The following DNAH3 variants were observed in gnomAD, a reference collection of about 807,000 sequenced individuals.
The protein encoded by DNAH3 is dynein axonemal heavy chain 3.
Under a neutral mutation model 432.5 loss-of-function variants are expected in DNAH3, and 332 were observed. The observed-to-expected ratio is 0.77, with a 90% CI of 0.70 to 0.84. The LOEUF is 0.84. Ranked by LOEUF, DNAH3 falls within the 40% of genes least tolerant of loss-of-function variation. The pLI is 0.00. For synonymous variants in DNAH3, 1,956 were observed against 1,900.2 expected (o/e 1.03, Z -0.76); for missense variants, 4,861 against 5,114.0 (o/e 0.95, Z 1.51).
chr16:20,939,127 GA>G (rs2083707818), intron 59 of DNAH3, among the ~76,000 whole-genome samples: 2 of 152,102 alleles, frequency 1.3e-5, no homozygotes, highest in Non-Finnish European at 2.9e-5. Flanking sequence ...CAACCACCAA[GA>G]AAGAGCTCCA....
chr16:21,061,542 C>T (rs554378706), intron 25 of DNAH3, among the ~76,000 whole-genome samples: 1 of 152,292 alleles, frequency 6.6e-6, no homozygotes, highest in South Asian at 2.1e-4. Flanking sequence ...ATACGCATTA[C>T]TTTCATGTCA....
intron 19 of DNAH3, among the ~76,000 whole-genome samples, chr16:21,083,117 A>G (rs117767425): frequency 0.083 from 12,558 of 151,528 alleles, 734 homozygotes; most frequent in South Asian, 0.18. Context: ...CCTGGGTCCA[A>G]TGATTTTCCT....
Position 21,019,481 on chromosome 16 carries a change from T to C in DNAH3, c.6022+143A>G. 2 of 918,014 alleles carry C rather than the reference T, an allele frequency of 2.2e-6. 1 individual carries two copies. The highest frequency in any genetic ancestry group is 5.0e-5 in the East Asian group (2 of 40,214). 56.9% of individuals were successfully genotyped at this position (918,014 alleles called of 1,614,324 possible). A position where few individuals can be genotyped will look rare whatever the true frequency, so the allele number is the denominator to read the frequency against. ...AGCCAATGATGATATTTTAATTCTGTAATTCCTTACATATTTATTAGCCAC... is the reference window on the plus strand; with the variant it reads ...AGCCAATGATGATATTTTAATTCTGCAATTCCTTACATATTTATTAGCCAC... On this transcript the variant is annotated intron_variant, in intron 41 of 61. Coordinates refer to ENST00000261383, the Ensembl canonical transcript of DNAH3.
chr16:21,051,679 C>T (rs200217906), exon 29 of DNAH3: 31 of 1,613,022 alleles, frequency 1.9e-5, no homozygotes, highest in Middle Eastern at 1.9e-4. Context: ...CCTGTAGCAG[C>T]GGTCGGTGAG....
intron 20 of DNAH3, among the ~76,000 whole-genome samples, chr16:21,076,995 G>A (rs568857463): frequency 5.5e-4 from 83 of 152,174 alleles, no homozygotes; most frequent in African/African-American, 1.9e-3. Flanking sequence ...CCCCAGCCCT[G>A]CCCCATCTTT....
chr16:21,123,286 A>G (rs2092381563), intron 9 of DNAH3, among the ~76,000 whole-genome samples: 1 of 152,210 alleles, frequency 6.6e-6, no homozygotes, highest in South Asian at 2.1e-4. Flanking sequence ...TACAGCGCCT[A>G]ATGAAATTGT....
intron 48 of DNAH3, among the ~76,000 whole-genome samples, chr16:20,983,126 A>G (rs561843823): frequency 1.5e-4 from 23 of 152,000 alleles, no homozygotes; most frequent in Non-Finnish European, 2.9e-4. Context: ...AAAAAATTTT[A>G]ATTTTTTATT....
rs150449112 is a variant in DNAH3 at position 21,152,090 on chromosome 16, C to T, written c.118-6002G>A. Among the ~76,000 whole-genome samples, 1,514 of 151,986 alleles carry T rather than the reference C, an allele frequency of 1.0e-2. 35 individuals carry two copies. The highest frequency in any genetic ancestry group is 0.034 in the African/African-American group (1,427 of 41,456). ...TCTCTACTAAAAATACAAAATTAGC[C>T]GGGCATGGTGGTAGTCGCCTGTAAT... On this transcript the variant is annotated intron_variant, in intron 1 of 61. Coordinates refer to ENST00000261383, the Ensembl canonical transcript of DNAH3.
At chr16:21,080,333 G>A (rs1317991020) in intron 20 of DNAH3, among the ~76,000 whole-genome samples, 2 of 143,454 alleles carry the variant, frequency 1.4e-5, no homozygotes, top group East Asian at 2.1e-4. Flanking sequence ...AAAGTTTCTA[G>A]TAGCCACATT....
In DNAH3 at chr16:20,975,492, C is replaced by T. The variant is rs1008427069; in HGVS notation, c.8077-77G>A. 14 of 1,409,330 alleles carry T rather than the reference C, an allele frequency of 9.9e-6. No homozygotes were observed. In the Admixed American group the frequency reaches 2.7e-4, roughly 28 times the overall value. The allele number at this position is 1,409,330 out of a possible 1,614,324, so 87.3% of individuals were successfully genotyped here. A position where few individuals can be genotyped will look rare whatever the true frequency, so the allele number is the denominator to read the frequency against. On this transcript the variant is annotated intron_variant, in intron 50 of 61. Coordinates refer to ENST00000261383, the Ensembl canonical transcript of DNAH3. Reference sequence around the variant, plus strand: ...AGTAGACAAGAATTGAAATGATTCTCCAACCTATGACATAAGCAGAAAATA... The same window carrying T: ...AGTAGACAAGAATTGAAATGATTCTTCAACCTATGACATAAGCAGAAAATA...
intron 29 of DNAH3, 76 bp downstream of exon 29, chr16:21,051,594 C>T (rs770970553): frequency 1.4e-6 from 2 of 1,477,978 alleles, no homozygotes; most frequent in Non-Finnish European, 1.9e-6. Flanking sequence ...CAAGACATCC[C>T]TAACTTTCCT....
At chr16:21,041,885 C>G (rs1411487941) in intron 32 of DNAH3, 142 bp downstream of exon 32, 2 of 889,014 alleles carry the variant, frequency 2.2e-6, no homozygotes, top group Non-Finnish European at 3.6e-6. Context: ...ATTGGACAGG[C>G]TGATCTCGAG....
Position 21,069,509 on chromosome 16 carries a change from A to G in DNAH3, c.3287T>C (p.Ile1096Thr), listed in dbSNP as rs753509012. ...GGCTATGATGTCCTCTGAACTGAAG[A>G]TTGGTTCCAGGTACAGCCAGGTGGC... The change falls in exon 23 of 62, where the codon ATC becomes ACC. Residue 1096 changes from isoleucine (I) to threonine (T), a missense_variant. Physicochemically the swap from Ile to Thr is moderately conservative, Grantham distance 89 (BLOSUM62 -1). Transcript: ENST00000261383. 8 of 1,613,964 alleles carry G rather than the reference A, an allele frequency of 5.0e-6. No individual in the cohort carries two copies. The Admixed American group carries it at 6.7e-5, about 13-fold the overall frequency.
chr16:20,949,053 G>A (rs537006173), intron 56 of DNAH3, among the ~76,000 whole-genome samples: 9 of 152,028 alleles, frequency 5.9e-5, no homozygotes, highest in East Asian at 1.9e-4. Context: ...CACTTTCTTC[G>A]GCAATAAAAT....
At position 20,952,434 on chromosome 16, in the gene DNAH3, TG is replaced by T. The variant is rs1335717715; in HGVS notation, c.11186del (p.Thr3729LysfsTer10). 6.3e-7 allele frequency: 1 copy of T among 1,593,552 alleles called. No individual in the cohort carries two copies. On this transcript the variant is annotated frameshift_variant and splice_region_variant, in exon 56 of 62. Transcript: ENST00000261383. LOFTEE classifies it high-confidence loss of function. ...TGGAAAAACTCCTCCCGTAAATACC[TG>T]TCAGGTAGGTCAGAGCATCAAAGGG...
intron 16 of DNAH3, among the ~76,000 whole-genome samples, chr16:21,102,364 T>A (rs2091857704): frequency 1.3e-5 from 2 of 152,232 alleles, no homozygotes; most frequent in South Asian, 4.1e-4. Flanking sequence ...TAATTGGTCT[T>A]GGAGTAATAT....
chr16:20,983,645 CCATT>C (rs1318321558), intron 48 of DNAH3, among the ~76,000 whole-genome samples: 2 of 151,762 alleles, frequency 1.3e-5, no homozygotes, highest in African/African-American at 4.8e-5. Context: ...ACTTAAAATT[CCATT>C]CATTGTTATT....
chr16:21,112,556 C>T (rs951948976), intron 12 of DNAH3, among the ~76,000 whole-genome samples: 1 of 152,148 alleles, frequency 6.6e-6, no homozygotes, highest in Admixed American at 6.6e-5. Context: ...TAGACTTATT[C>T]ACTATCATGA....
At chr16:20,947,031 G>T (rs2084079643) in intron 57 of DNAH3, among the ~76,000 whole-genome samples, 1 of 151,626 alleles carries the variant, frequency 6.6e-6, no homozygotes, top group South Asian at 2.1e-4. Flanking sequence ...CACCACATTG[G>T]CCAGGCTGGT....
Sources: allele counts gnomAD v4.1 joint callset (sites outside exome capture counted in the v4.1 genomes callset), GRCh38; gene constraint gnomAD v4.1.1; transcripts MANE v1.5; gene names NCBI Gene and HGNC (gene_info 2026-07-23, HGNC 2026-07-21).